The following SOX5 variants were observed in gnomAD, a reference collection of about 807,000 sequenced individuals.
The protein encoded by SOX5 is SRY-box transcription factor 5.
Under a neutral mutation model 92.0 loss-of-function variants are expected in SOX5, and 9 were observed. The ratio of observed to expected loss-of-function variants is 0.10; its 90% CI spans 0.06 to 0.17. The LOEUF (loss-of-function observed/expected upper bound fraction) is 0.17. Among genes scored for constraint, SOX5 ranks in the 10% least tolerant of loss-of-function variants. SOX5 has a pLI of 1.00. For synonymous variants in SOX5, 344 were observed against 336.3 expected (o/e 1.02, Z -0.25); for missense variants, 642 against 944.5 (o/e 0.68, Z 4.20).
chr12:24,439,103 C>T (rs952320964), intron 1 of SOX5, among the ~76,000 whole-genome samples: 2 of 152,176 alleles, frequency 1.3e-5, no homozygotes, highest in African/African-American at 2.4e-5. Context: ...CTGATCAATC[C>T]GCAGCCATCA....
chr12:23,544,104 A>C (rs1591917123), intron 12 of SOX5, among the ~76,000 whole-genome samples: 1 of 152,220 alleles, frequency 6.6e-6, no homozygotes, highest in African/African-American at 2.4e-5. Context: ...TGAGAAAAAT[A>C]ATAATTTCCT....
chr12:24,033,238 C>G (rs1955689624), intron 4 of SOX5, among the ~76,000 whole-genome samples: 1 of 151,860 alleles, frequency 6.6e-6, no homozygotes, highest in African/African-American at 2.4e-5. Context: ...AATAATAAAA[C>G]CTCAGCCCAA....
At chr12:23,753,494 T>C (rs1047737109) in intron 4 of SOX5, among the ~76,000 whole-genome samples, 1 of 151,932 alleles carries the variant, frequency 6.6e-6, no homozygotes, top group Non-Finnish European at 1.5e-5. Context: ...TCCTAACATA[T>C]GCAAAGGTTC....
In SOX5 at chr12:24,053,180, C is replaced by T. The variant is rs11047236; in HGVS notation, c.-1-157156G>A. On this transcript the variant is annotated intron_variant, in intron 4 of 4. Transcript: ENST00000446891. ...TTTTGAAGCCAATGCTACTGCACGCCCCCCCCCTTTTTTTTTTTTGAGATG... is the reference window on the plus strand; with the variant it reads ...TTTTGAAGCCAATGCTACTGCACGCTCCCCCCCTTTTTTTTTTTTGAGATG... Among the ~76,000 whole-genome samples, 473 of 108,944 alleles carry T rather than the reference C, an allele frequency of 4.3e-3. 1 individual carries two copies. The highest frequency in any genetic ancestry group is 0.013 in the Middle Eastern group (3 of 238). 71.5% of individuals were successfully genotyped at this position (108,944 alleles called of 152,430 possible).
intron 3 of SOX5, among the ~76,000 whole-genome samples, chr12:24,273,874 T>C (rs981083509): frequency 6.6e-6 from 1 of 152,224 alleles, no homozygotes; most frequent in Non-Finnish European, 1.5e-5. Flanking sequence ...ATATGTAGGA[T>C]ATCTATTATT....
intron 4 of SOX5, among the ~76,000 whole-genome samples, chr12:24,211,612 T>C (rs1026552169): frequency 1.3e-5 from 2 of 152,238 alleles, no homozygotes; most frequent in African/African-American, 4.8e-5. Context: ...TATTTTTATG[T>C]GTGTGCACAA....
intron 3 of SOX5, among the ~76,000 whole-genome samples, chr12:23,804,913 TTTTATATATATATATATATATATATATA>T (rs1308109629): frequency 9.1e-6 from 1 of 109,332 alleles, no homozygotes; most frequent in Non-Finnish European, 1.8e-5. Flanking sequence ...CCTATCATTG[TTTTATATATATATATATATATATATATA>T]TATATATATA....
At chr12:23,570,964 TA>T (rs1948248269) in intron 10 of SOX5, among the ~76,000 whole-genome samples, 1 of 90,152 alleles carries the variant, frequency 1.1e-5, no homozygotes, top group African/African-American at 4.0e-5. Flanking sequence ...TATATATATA[TA>T]TATATATATA....
At position 23,534,441 on chromosome 12, in the gene SOX5, G is replaced by A. The variant is rs201275351; in HGVS notation, c.2070C>T (p.His690=). 6.4e-5 allele frequency: 104 copies of A among 1,614,080 alleles called. No homozygotes were observed. The highest frequency in any genetic ancestry group is 8.1e-5 in the Non-Finnish European group (95 of 1,180,012). The change falls in exon 15 of 15, where the codon CAC becomes CAT. Residue 690 remains histidine (H), a synonymous_variant. Transcript: ENST00000451604. ...AIAMAGMPSP[H]LPSEHSSVSS... ...ACACGCTTGAGTGCTCCGAGGGCAGGTGAGGGGAGGGCATCCCAGCCATGG... is the reference window on the plus strand; with the variant it reads ...ACACGCTTGAGTGCTCCGAGGGCAGATGAGGGGAGGGCATCCCAGCCATGG...
intron 1 of SOX5, among the ~76,000 whole-genome samples, chr12:23,910,794 A>C (rs1450943948): frequency 6.6e-6 from 1 of 152,046 alleles, no homozygotes; most frequent in Non-Finnish European, 1.5e-5. Context: ...GATGGGGTAA[A>C]ATGTGATTTC....
At chr12:24,172,393 G>A (rs1954301652) in intron 4 of SOX5, among the ~76,000 whole-genome samples, 1 of 152,010 alleles carries the variant, frequency 6.6e-6, no homozygotes, top group Non-Finnish European at 1.5e-5. Flanking sequence ...ACAAAAATAA[G>A]CCGGGCATGG....
intron 2 of SOX5, among the ~76,000 whole-genome samples, chr12:24,334,103 A>G (rs1480953889): frequency 2.0e-5 from 3 of 147,460 alleles, no homozygotes; most frequent in Admixed American, 2.0e-4. Flanking sequence ...TATATACCAA[A>G]TTAAACAACA....
At chr12:24,282,814 C>A (rs1210346835) in intron 2 of SOX5, among the ~76,000 whole-genome samples, 1 of 152,178 alleles carries the variant, frequency 6.6e-6, no homozygotes, top group African/African-American at 2.4e-5. Flanking sequence ...GAAGCCAGCA[C>A]CTGCAAGCAT....
chr12:24,098,476 C>T (rs1381756454), intron 4 of SOX5, among the ~76,000 whole-genome samples: 1 of 152,098 alleles, frequency 6.6e-6, no homozygotes, highest in East Asian at 1.9e-4. Context: ...TTTACCCGCC[C>T]TTGCCCAATA....
chr12:24,111,179 C>T (rs148278755), intron 4 of SOX5, among the ~76,000 whole-genome samples: 1 of 151,890 alleles, frequency 6.6e-6, no homozygotes, highest in Non-Finnish European at 1.5e-5. Context: ...TAAAAATCAC[C>T]CCCCATTGAA....
intron 4 of SOX5, among the ~76,000 whole-genome samples, chr12:24,129,594 C>T (rs959216955): frequency 6.6e-6 from 1 of 152,104 alleles, no homozygotes; most frequent in Non-Finnish European, 1.5e-5. Context: ...ACCGTCCATT[C>T]CAATGTAGAG....
intron 2 of SOX5, among the ~76,000 whole-genome samples, chr12:24,283,921 G>A (rs1945518102): frequency 6.6e-6 from 1 of 152,168 alleles, no homozygotes; most frequent in Admixed American, 6.5e-5. Context: ...TCCAGCTAAA[G>A]TAGAGTTTGT....
At chr12:24,422,789 T>G (rs371557803) in intron 1 of SOX5, among the ~76,000 whole-genome samples, 1 of 152,208 alleles carries the variant, frequency 6.6e-6, no homozygotes, top group Non-Finnish European at 1.5e-5. Flanking sequence ...GGAGGGAAGA[T>G]TGCTTGAGCT....
intron 1 of SOX5, among the ~76,000 whole-genome samples, chr12:24,399,498 G>A (rs1960968127): frequency 6.6e-6 from 1 of 152,172 alleles, no homozygotes; most frequent in Admixed American, 6.5e-5. Flanking sequence ...AGCAAATTCT[G>A]TTCTTGGAAT....
Sources: allele counts gnomAD v4.1 joint callset (sites outside exome capture counted in the v4.1 genomes callset), GRCh38; gene constraint gnomAD v4.1.1; transcripts MANE v1.5; gene names NCBI Gene and HGNC (gene_info 2026-07-23, HGNC 2026-07-21).